The following ABI2 variants were observed in gnomAD, a reference collection of about 807,000 sequenced individuals.
ABI2 encodes the protein abelson interactor 2.
A neutral mutation model predicts 59.2 loss-of-function variants in ABI2; 25 were observed. The observed-to-expected ratio is 0.42, with a 90% confidence interval of 0.31 to 0.59. The LOEUF (loss-of-function observed/expected upper bound fraction) is 0.59, where lower values mean the gene tolerates loss of function less well. Among genes scored for constraint, ABI2 ranks in the 20% least tolerant of loss-of-function variants. ABI2 has a pLI of 0.14. For synonymous variants in ABI2, 213 were observed against 235.5 expected (o/e 0.90, Z 0.87); for missense variants, 545 against 681.8 (o/e 0.80, Z 2.23).
intron 9 of ABI2, among the ~76,000 whole-genome samples, chr2:203,406,767 G>A (rs962773710): frequency 5.3e-5 from 8 of 152,146 alleles, no homozygotes; most frequent in African/African-American, 1.4e-4. Flanking sequence ...GGGTTCAAGC[G>A]ATTCTCCTGC....
At chr2:203,348,492 AGTTATAT>A (rs1427788483) in intron 1 of ABI2, among the ~76,000 whole-genome samples, 27 of 152,330 alleles carry the variant, frequency 1.8e-4, no homozygotes, top group South Asian at 2.1e-4. Context: ...TCATATGGTC[AGTTATAT>A]GTTATATGTC....
intron 9 of ABI2, among the ~76,000 whole-genome samples, chr2:203,409,485 C>A (rs1345286479): frequency 6.6e-6 from 1 of 152,138 alleles, no homozygotes; most frequent in Non-Finnish European, 1.5e-5. Flanking sequence ...CCCTGACTTA[C>A]CTGTTTACCA....
rs746779213 is a variant in ABI2 at position 203,431,697 on chromosome 2, A to T, written c.*4345A>T. On this transcript the variant is annotated 3_prime_UTR_variant, in exon 12 of 12. Transcript: ENST00000261018. ...GTTTTGAGAATCTCATATAATTATT[A>T]AAAAAAAAAAACAATTAAAACGAAA... 8.6e-5 allele frequency: 10 copies of T among 116,020 alleles called. No individual in the cohort carries two copies. Among genetic ancestry groups the T allele is most frequent in the East Asian group, 2.4e-4 (1 of 4,144 alleles). 7.2% of individuals were successfully genotyped at this position (116,020 alleles called of 1,614,324 possible).
At chr2:203,413,179 C>G (rs539623378) in intron 10 of ABI2, among the ~76,000 whole-genome samples, 3 of 152,106 alleles carry the variant, frequency 2.0e-5, no homozygotes, top group Non-Finnish European at 4.4e-5. Flanking sequence ...GGAGTAAAGG[C>G]CAGATTTTGA....
rs998498396 is a variant in ABI2, at chr2:203,428,372, A to G, written c.*1020A>G. 2.6e-5 allele frequency: 4 copies of G among 152,548 alleles called. No individual in the cohort carries two copies. Among genetic ancestry groups the G allele is most frequent in the Non-Finnish European group, 1.5e-5 (1 of 68,038 alleles). 9.4% of individuals were successfully genotyped at this position (152,548 alleles called of 1,614,324 possible). ...TCTCCTGACAGTCACTGGGAGTACA[A>G]GGTTTGCTAATGTGCTCTCTGGACG... On this transcript the variant is annotated 3_prime_UTR_variant, in exon 12 of 12. Transcript: ENST00000261018.
chr2:203,336,711 C>G (rs749870963), intron 1 of ABI2, among the ~76,000 whole-genome samples: 2 of 152,202 alleles, frequency 1.3e-5, no homozygotes, highest in African/African-American at 4.8e-5. Context: ...TCTTTTACTA[C>G]TATTCCTTCT....
At chr2:203,388,842 T>C (rs1176186735) in intron 4 of ABI2, among the ~76,000 whole-genome samples, 4 of 152,172 alleles carry the variant, frequency 2.6e-5, no homozygotes, top group Admixed American at 2.6e-4. Context: ...AAAACAAATA[T>C]AAGCTGGAAA....
chr2:203,329,485 TA>T (rs1402551544), intron 1 of ABI2, among the ~76,000 whole-genome samples: 1 of 151,706 alleles, frequency 6.6e-6, no homozygotes, highest in Non-Finnish European at 1.5e-5. Context: ...TTCTGTGGAT[TA>T]AAAAAATCCT....
chr2:203,371,331 A>G lies in ABI2; in HGVS notation c.285+4287A>G, dbSNP rs79255871. Among the ~76,000 whole-genome samples, 1,370 of 152,292 alleles carry G rather than the reference A, an allele frequency of 9.0e-3. 14 individuals carry two copies. The highest frequency in any genetic ancestry group is 0.015 in the Non-Finnish European group (1,017 of 68,014). ...TGACTGTACTCTGTATCGGGGAGAA[A>G]TACTTCAACAAAACAAAGTAATAAC... is the stretch of plus-strand genomic sequence containing the variant. On this transcript the variant is annotated intron_variant, in intron 2 of 11. Coordinates refer to ENST00000261018, the MANE Select transcript of ABI2 (RefSeq NM_001375670.1).
At chr2:203,419,437 T>G (rs944809482) in intron 11 of ABI2, among the ~76,000 whole-genome samples, 7 of 148,400 alleles carry the variant, frequency 4.7e-5, no homozygotes, top group African/African-American at 1.8e-4. Flanking sequence ...GGTGTGATCC[T>G]GGCTCACTGC....
chr2:203,341,264 C>T (rs2079746241), intron 1 of ABI2, among the ~76,000 whole-genome samples: 1 of 152,054 alleles, frequency 6.6e-6, no homozygotes, highest in African/African-American at 2.4e-5. Context: ...GTGTGTTTTC[C>T]CTCCCTGGTA....
chr2:203,427,757 G>T lies in ABI2; in HGVS notation c.*405G>T, dbSNP rs2098452498. The stretch of plus-strand genomic sequence containing the variant: ...GATGTTCTTCATTGCCTGTGCTAAG[G>T]GGTTAACCTCATGGCCCAGTGGGTA... On this transcript the variant is annotated 3_prime_UTR_variant, in exon 12 of 12. Coordinates refer to ENST00000261018, the MANE Select transcript of ABI2 (RefSeq NM_001375670.1). 1 of 156,920 alleles carries T rather than the reference G, an allele frequency of 6.4e-6. No individual in the cohort carries two copies. The highest frequency in any genetic ancestry group is 1.4e-5 in the Non-Finnish European group (1 of 70,794). The allele number at this position is 156,920 out of a possible 1,614,324, so 9.7% of individuals were successfully genotyped here.
At chr2:203,356,302 C>G (rs2091937191) in intron 1 of ABI2, among the ~76,000 whole-genome samples, 1 of 152,088 alleles carries the variant, frequency 6.6e-6, no homozygotes, top group African/African-American at 2.4e-5. Context: ...TCTTAGCCTC[C>G]CAAGTAGCTG....
chr2:203,372,667 C>G (rs1421529413), intron 2 of ABI2, among the ~76,000 whole-genome samples: 1 of 152,030 alleles, frequency 6.6e-6, no homozygotes, highest in African/African-American at 2.4e-5. Flanking sequence ...CTCCTCACTT[C>G]CCAGACGGGG....
At chr2:203,371,572 C>A (rs563616775) in intron 2 of ABI2, among the ~76,000 whole-genome samples, 1 of 152,088 alleles carries the variant, frequency 6.6e-6, no homozygotes, top group East Asian at 1.9e-4. Context: ...AAAGAAATTT[C>A]ATCTCTAGCT....
intron 1 of ABI2, among the ~76,000 whole-genome samples, chr2:203,331,567 C>T (rs1186399705): frequency 6.6e-6 from 1 of 151,794 alleles, no homozygotes; most frequent in Non-Finnish European, 1.5e-5. Flanking sequence ...CCATTTTGGC[C>T]AGGCTGGTCT....
intron 10 of ABI2, among the ~76,000 whole-genome samples, chr2:203,415,199 A>G (rs1580459102): frequency 6.6e-6 from 1 of 152,342 alleles, no homozygotes; most frequent in Non-Finnish European, 1.5e-5. Context: ...ATTCTATTTA[A>G]TGACTGAAGT....
At chr2:203,384,312 T>TTG (rs1559289684) in intron 4 of ABI2, among the ~76,000 whole-genome samples, 21 of 73,900 alleles carry the variant, frequency 2.8e-4, no homozygotes, top group African/African-American at 9.1e-4. Context: ...TTTTTTTTTT[T>TTG]TTTTTTTTTT....
At chr2:203,374,126 T>TCAAG (rs1225153739) in intron 2 of ABI2, among the ~76,000 whole-genome samples, 1 of 152,142 alleles carries the variant, frequency 6.6e-6, no homozygotes, top group Non-Finnish European at 1.5e-5. Context: ...GCCACTGGAT[T>TCAAG]CAAGCATGGG....
Sources: allele counts gnomAD v4.1 joint callset (sites outside exome capture counted in the v4.1 genomes callset), GRCh38; gene constraint gnomAD v4.1.1; transcripts MANE v1.5; gene names NCBI Gene and HGNC (gene_info 2026-07-23, HGNC 2026-07-21).